The following RSPH9 variants were observed in gnomAD, a reference collection of about 807,000 sequenced individuals.
The protein encoded by RSPH9 is radial spoke head component 9, also known as radial spoke head protein 9 homolog.
Under a neutral mutation model 27.0 loss-of-function variants are expected in RSPH9, and 27 were observed. The observed-to-expected ratio is 1.00, with a 90% confidence interval of 0.74 to 1.38. RSPH9 has a LOEUF of 1.38. Ranked by LOEUF, RSPH9 falls within the 40% of genes most tolerant of loss-of-function variation. The pLI is 0.00. For missense variants in RSPH9, 347 were observed against 357.4 expected (o/e 0.97, Z 0.24); for synonymous variants, 145 against 147.7 (o/e 0.98, Z 0.13).
intron 4 of RSPH9, among the ~76,000 whole-genome samples, chr6:43,658,320 A>G (rs976487583): frequency 6.6e-6 from 1 of 151,430 alleles, no homozygotes; most frequent in African/African-American, 2.4e-5. Flanking sequence ...AGAAAAAAAA[A>G]AAAAGAAACG....
At chr6:43,660,124 A>G (rs539847585) in intron 4 of RSPH9, among the ~76,000 whole-genome samples, 1 of 146,892 alleles carries the variant, frequency 6.8e-6, no homozygotes, top group African/African-American at 2.5e-5. Context: ...GCTCACTGCA[A>G]CCCCTGCCTC....
At chr6:43,664,175 G>A (rs867034187) in intron 4 of RSPH9, among the ~76,000 whole-genome samples, 49 of 152,290 alleles carry the variant, frequency 3.2e-4, no homozygotes, top group African/African-American at 1.1e-3. Flanking sequence ...TGCAGTGTTT[G>A]TGAAGAGCAA....
In RSPH9 at chr6:43,649,920, C is replaced by T. The variant is rs549029066; in HGVS notation, c.228-455C>T. Among the ~76,000 whole-genome samples, 3 of 152,184 alleles carry T rather than the reference C, an allele frequency of 2.0e-5. No individual in the cohort carries two copies. In the South Asian group the frequency reaches 6.2e-4, roughly 32 times the overall value. ...TATTACATATGAGGAGTGGGTTCACCATTGGCACTTGGGACTTCTTTTAGA... is the reference window on the plus strand; with the variant it reads ...TATTACATATGAGGAGTGGGTTCACTATTGGCACTTGGGACTTCTTTTAGA... On this transcript the variant is annotated intron_variant, in intron 1 of 4. Transcript: ENST00000372163.
chr6:43,650,339 G>T (rs1370622217), intron 1 of RSPH9, 36 bp from the exon 2 acceptor site: 1 of 1,611,486 alleles, frequency 6.2e-7, no homozygotes, highest in East Asian at 2.2e-5. Context: ...TGAGAAGGGA[G>T]TTGGAATCCA....
chr6:43,667,058 C>A (rs71562772), intron 4 of RSPH9, among the ~76,000 whole-genome samples: 2 of 152,170 alleles, frequency 1.3e-5, no homozygotes, highest in Non-Finnish European at 1.5e-5. Context: ...GCCTAGATTC[C>A]TAGGTAGTAT....
chr6:43,655,463 A>G (rs763236633), intron 2 of RSPH9, 99 bp from the exon 3 acceptor site: 122 of 1,351,210 alleles, frequency 9.0e-5, no homozygotes, highest in Non-Finnish European at 1.3e-4. Flanking sequence ...GGTCCACTAC[A>G]CTGCAGTGGT....
At chr6:43,669,121 CA>C (rs1773441775) in intron 4 of RSPH9, among the ~76,000 whole-genome samples, 1 of 152,220 alleles carries the variant, frequency 6.6e-6, no homozygotes, top group South Asian at 2.1e-4. Flanking sequence ...TACTCCTTCT[CA>C]GGGGCAGTGT....
chr6:43,650,443 T>C lies in RSPH9; in HGVS notation c.296T>C (p.Val99Ala), dbSNP rs1214534933. The C allele has an allele frequency of 6.2e-7, 1 of 1,613,994 alleles. No homozygotes were observed. The highest frequency in any genetic ancestry group is 8.5e-7 in the Non-Finnish European group (1 of 1,180,028). The change falls in exon 2 of 5, where the codon GTG becomes GCG. Residue 99 changes from valine (V) to alanine (A), a missense_variant. Transcript: ENST00000372163. ...GAGATGGTGGCGCAGTCGTCTGTGG[T>C]GAAGGGCCGCTTCATGGGGGACCCA... ...TEEMVAQSSV[V>A]KGRFMGDPSY...
chr6:43,672,319 C>A lies in RSPH9; in HGVS notation c.*1370C>A. On this transcript the variant is annotated 3_prime_UTR_variant, in exon 5 of 5. Transcript: ENST00000372163. Reference sequence around the variant, plus strand: ...GCTCTTCCCCATTTGGCTCACTCAGCTACCCCAACCTTCAGGGAACTCCCC... The same window carrying A: ...GCTCTTCCCCATTTGGCTCACTCAGATACCCCAACCTTCAGGGAACTCCCC... 1 of 461,910 alleles carries A rather than the reference C, an allele frequency of 2.2e-6. No homozygotes were observed. The highest frequency in any genetic ancestry group is 4.5e-6 in the Non-Finnish European group (1 of 219,820). 28.6% of individuals were successfully genotyped at this position (461,910 alleles called of 1,614,324 possible).
intron 2 of RSPH9, among the ~76,000 whole-genome samples, chr6:43,654,984 G>C (rs1046549056): frequency 1.3e-5 from 2 of 152,162 alleles, no homozygotes; most frequent in Non-Finnish European, 2.9e-5. Flanking sequence ...CTGCCCTCCA[G>C]CCTGGATGAT....
intron 2 of RSPH9, among the ~76,000 whole-genome samples, chr6:43,654,549 G>A (rs115338010): frequency 0.052 from 7,934 of 152,152 alleles, 292 homozygotes; most frequent in Non-Finnish European, 0.077. Flanking sequence ...TTGACTGGGC[G>A]CAGTGGCTCA....
intron 2 of RSPH9, among the ~76,000 whole-genome samples, chr6:43,651,581 C>T (rs1771473597): frequency 1.3e-5 from 2 of 151,938 alleles, no homozygotes. Flanking sequence ...CGGAGTCTTG[C>T]TTTGTTGCTC....
intron 4 of RSPH9, among the ~76,000 whole-genome samples, chr6:43,664,884 G>C (rs1772995876): frequency 6.6e-6 from 1 of 152,212 alleles, no homozygotes; most frequent in African/African-American, 2.4e-5. Context: ...GTTGACAAAG[G>C]GAGCCTGGAA....
chr6:43,668,184 G>A (rs547260100), intron 4 of RSPH9, among the ~76,000 whole-genome samples: 16 of 152,294 alleles, frequency 1.1e-4, no homozygotes, highest in African/African-American at 3.6e-4. Flanking sequence ...TCCTGGAGGC[G>A]GTGACAGCAG....
rs1014004507 is a variant in RSPH9 at position 43,671,690 on chromosome 6, C to T, written c.*741C>T. 2.3e-5 allele frequency: 37 copies of T among 1,581,966 alleles called. No homozygotes were observed. The African/African-American group carries it at 4.7e-4, about 20-fold the overall frequency. On this transcript the variant is annotated 3_prime_UTR_variant, in exon 5 of 5. Transcript: ENST00000372163. ...GGGTGGGACAGGAGTATAGTTGTGG[C>T]CAAGGGCTTGTGAGTGGGCCTCCTA...
At position 43,655,598 on chromosome 6, in the gene RSPH9, A is replaced by C; in HGVS notation, c.430A>C (p.Ile144Leu). The C allele has an allele frequency of 6.2e-7, 1 of 1,614,106 alleles. No individual in the cohort carries two copies. Among genetic ancestry groups the C allele is most frequent in the Non-Finnish European group, 8.5e-7 (1 of 1,179,992 alleles). ...GGAAGAGACCCGCTTGGTGTCTGTC[A>C]TTGACCAGATTGACAAGGCTGTGGC... ...IKEETRLVSV[I>L]DQIDKAVAII... Residue 144 changes from isoleucine (I) to leucine (L), a missense_variant, in exon 3 of 5, where the codon ATT becomes CTT. Coordinates refer to ENST00000372163, the MANE Select transcript of RSPH9 (RefSeq NM_152732.5).
rs1229204960 is a variant in RSPH9 at position 43,671,732 on chromosome 6, C to T, written c.*783C>T. On this transcript the variant is annotated 3_prime_UTR_variant, in exon 5 of 5. Coordinates refer to ENST00000372163, the MANE Select transcript of RSPH9 (RefSeq NM_152732.5). ...GGCCTCCTACTCCCCAGCACAGGTG[C>T]AGGAGGAACTCTGGAAGCACTGCTC... 1 of 1,613,606 alleles carries T rather than the reference C, an allele frequency of 6.2e-7. No homozygotes were observed. The highest frequency in any genetic ancestry group is 1.3e-5 in the African/African-American group (1 of 74,926).
In RSPH9 at chr6:43,645,062, A is replaced by G; in HGVS notation, c.-37A>G. 2 of 1,582,110 alleles carry G rather than the reference A, an allele frequency of 1.3e-6. No individual in the cohort carries two copies. The highest frequency in any genetic ancestry group is 1.7e-6 in the Non-Finnish European group (2 of 1,158,910). On this transcript the variant is annotated 5_prime_UTR_variant, in exon 1 of 5. Transcript: ENST00000372163. ...GGTCTCCATGGAGGCGGCTTCTCCT[A>G]GCAACTCGACGGGCGTTGAGCGGAG...
chr6:43,671,843 G>T lies in RSPH9; in HGVS notation c.*894G>T. On this transcript the variant is annotated 3_prime_UTR_variant, in exon 5 of 5. Coordinates refer to ENST00000372163, the MANE Select transcript of RSPH9 (RefSeq NM_152732.5). Reference sequence around the variant, plus strand: ...GTGACCCCACGGGCATGCGCACCCTGTTCCAGCGGGGGCCTTTTTTGTAGA... The same window carrying T: ...GTGACCCCACGGGCATGCGCACCCTTTTCCAGCGGGGGCCTTTTTTGTAGA... 6.2e-7 allele frequency: 1 copy of T among 1,614,154 alleles called. No individual in the cohort carries two copies. Among genetic ancestry groups the T allele is most frequent in the South Asian group, 1.1e-5 (1 of 91,088 alleles).
Sources: gnomAD v4.1 joint callset for allele counts (sites outside exome capture counted in the v4.1 genomes callset) on GRCh38, gnomAD v4.1.1 for gene constraint, MANE v1.5 for transcripts, NCBI Gene and HGNC (gene_info 2026-07-23, HGNC 2026-07-21) for gene names.